The following GTF2IRD1 variants were observed in gnomAD, a reference collection of about 807,000 sequenced individuals.
The protein encoded by GTF2IRD1 is general transcription factor II-I repeat domain-containing protein 1.
Under a neutral mutation model 113.2 loss-of-function variants are expected in GTF2IRD1, and 26 were observed. That is an observed-to-expected ratio of 0.23 (90% CI 0.17 to 0.32). The LOEUF (loss-of-function observed/expected upper bound fraction) is 0.32, where lower values mean the gene tolerates loss of function less well. GTF2IRD1 is among the 10% of genes least tolerant of loss of function. The pLI, the probability that GTF2IRD1 is intolerant of heterozygous loss-of-function variation, is 1.00. For missense variants in GTF2IRD1, 864 were observed against 1,280.8 expected (o/e 0.67, Z 4.97); for synonymous variants, 484 against 529.1 (o/e 0.91, Z 1.17).
chr7:74,455,162 A>C (rs985986875), intron 1 of GTF2IRD1, among the ~76,000 whole-genome samples: 11 of 152,110 alleles, frequency 7.2e-5, no homozygotes, highest in African/African-American at 2.7e-4. Flanking sequence ...ATCCCAGCTG[A>C]AGCGAGGGTG....
intron 1 of GTF2IRD1, among the ~76,000 whole-genome samples, chr7:74,501,187 G>T (rs911437358): frequency 6.6e-6 from 1 of 152,026 alleles, no homozygotes. Flanking sequence ...GGGTGGTCTC[G>T]CCTGTTCACT....
chr7:74,535,274 G>T (rs1798229304), intron 10 of GTF2IRD1, 136 bp downstream of exon 10: 2 of 744,286 alleles, frequency 2.7e-6, no homozygotes, highest in African/African-American at 3.4e-5. Context: ...TGTGGTTTCT[G>T]TGTCCTGGGA....
chr7:74,515,721 G>A (rs150393261), intron 4 of GTF2IRD1, 125 bp downstream of exon 4: 2 of 745,260 alleles, frequency 2.7e-6, no homozygotes, highest in Admixed American at 2.9e-5. Flanking sequence ...CCAAGGCATG[G>A]GGCTACTGGC....
At chr7:74,533,107 T>C (rs1798069235) in intron 9 of GTF2IRD1, among the ~76,000 whole-genome samples, 1 of 151,830 alleles carries the variant, frequency 6.6e-6, no homozygotes, top group South Asian at 2.1e-4. Context: ...TCATCCTCAT[T>C]TTCCTGGCTA....
rs560921378 is a variant in GTF2IRD1 at position 74,466,179 on chromosome 7, C to T, written c.-7+12003C>T. Among the ~76,000 whole-genome samples, 17 of 152,316 alleles carry T rather than the reference C, an allele frequency of 1.1e-4. No homozygotes were observed. The East Asian group carries it at 3.1e-3, about 28-fold the overall frequency. On this transcript the variant is annotated intron_variant, in intron 1 of 26. Coordinates refer to ENST00000424337, the MANE Select transcript of GTF2IRD1 (RefSeq NM_005685.4). ...GCCCCTCAAGGTCACAGTCAGCCAT[C>T]CCGCTTGTTAGAGGCCAGGCCCTGT... is the stretch of plus-strand genomic sequence containing the variant.
At chr7:74,471,671 T>TAA (rs1794096527) in intron 1 of GTF2IRD1, among the ~76,000 whole-genome samples, 1 of 54,094 alleles carries the variant, frequency 1.8e-5, no homozygotes, top group Non-Finnish European at 3.7e-5. Context: ...TTTGAAATAT[T>TAA]TAAAAAAAAA....
chr7:74,497,275 T>G (rs1354622768), intron 1 of GTF2IRD1, among the ~76,000 whole-genome samples: 1 of 152,186 alleles, frequency 6.6e-6, no homozygotes, highest in Non-Finnish European at 1.5e-5. Context: ...TGCATACTCA[T>G]GTTAATAGCA....
At chr7:74,581,231 A>G (rs1801402496) in intron 22 of GTF2IRD1, among the ~76,000 whole-genome samples, 2 of 152,202 alleles carry the variant, frequency 1.3e-5, no homozygotes, top group South Asian at 4.1e-4. Flanking sequence ...CATGTTGGCC[A>G]GGCTGGTCTT....
intron 22 of GTF2IRD1, among the ~76,000 whole-genome samples, chr7:74,588,996 C>T (rs1389233431): frequency 1.3e-5 from 2 of 152,132 alleles, no homozygotes; most frequent in Admixed American, 6.6e-5. Context: ...AGGGAAGCAG[C>T]CCTGCCTCTT....
Position 74,555,385 on chromosome 7 carries a change from G to T in GTF2IRD1, c.1967-53G>T. On this transcript the variant is annotated intron_variant, in intron 18 of 26. Coordinates refer to ENST00000424337, the MANE Select transcript of GTF2IRD1 (RefSeq NM_005685.4). This position sits in a 1 kb window ranked among gnomAD's most constrained non-coding sequence, Gnocchi z 5.3. ...GGTTTCCCCTAACGATGCCATCTTG[G>T]GTCCCAGGAACTGCCTCCTCACTTG... 1 of 1,603,450 alleles carries T rather than the reference G, an allele frequency of 6.2e-7. No individual in the cohort carries two copies. The highest frequency in any genetic ancestry group is 8.5e-7 in the Non-Finnish European group (1 of 1,170,378).
At chr7:74,545,396 C>T (rs1370838532) in intron 15 of GTF2IRD1, among the ~76,000 whole-genome samples, 5 of 152,040 alleles carry the variant, frequency 3.3e-5, no homozygotes, top group Non-Finnish European at 7.4e-5. Flanking sequence ...CTGGTGGCAG[C>T]CTGCTCAATT....
intron 1 of GTF2IRD1, among the ~76,000 whole-genome samples, chr7:74,454,864 G>A (rs1390473047): frequency 6.6e-6 from 1 of 152,168 alleles, no homozygotes; most frequent in Non-Finnish European, 1.5e-5. Context: ...GCAGATGGGT[G>A]GAGAGGACAG....
chr7:74,508,287 C>T (rs1183137782), intron 2 of GTF2IRD1, 84 bp downstream of exon 2: 13 of 1,443,124 alleles, frequency 9.0e-6, no homozygotes, highest in African/African-American at 2.8e-5. Flanking sequence ...CTCAGCTACT[C>T]GAAGGAGCTT....
At chr7:74,589,484 G>A (rs1245649148) in intron 22 of GTF2IRD1, among the ~76,000 whole-genome samples, 1 of 152,048 alleles carries the variant, frequency 6.6e-6, no homozygotes, top group Admixed American at 6.6e-5. Flanking sequence ...GATCACCTGA[G>A]CCAGGAGTTT....
At position 74,488,636 on chromosome 7, in the gene GTF2IRD1, T is replaced by C. The variant is rs563161576; in HGVS notation, c.-6-19439T>C. 4.9e-4 allele frequency among the ~76,000 whole-genome samples: 75 copies of C among 152,028 alleles called. 1 individual carries two copies. In the South Asian group the frequency reaches 0.016, roughly 32 times the overall value. ...AGCCAGGTGTGGTGGCAGGCGCCCG[T>C]AGTCCCAGCTACTTGGGAGGCTGAG... On this transcript the variant is annotated intron_variant, in intron 1 of 26. Transcript: ENST00000424337.
intron 22 of GTF2IRD1, among the ~76,000 whole-genome samples, chr7:74,566,330 G>A (rs958929103): frequency 5.9e-5 from 9 of 152,008 alleles, no homozygotes; most frequent in Admixed American, 1.3e-4. Context: ...TCACACCACA[G>A]ACACCTAACA....
intron 8 of GTF2IRD1, among the ~76,000 whole-genome samples, chr7:74,528,953 GGATGGATGGA>G (rs1554347958): frequency 3.4e-4 from 32 of 95,204 alleles, no homozygotes; most frequent in African/African-American, 1.2e-3. Flanking sequence ...GTGGATGGAT[GGATGGATGGA>G]TGGATGGATG....
chr7:74,474,027 C>T (rs538208340), intron 1 of GTF2IRD1, among the ~76,000 whole-genome samples: 2 of 151,266 alleles, frequency 1.3e-5, no homozygotes, highest in South Asian at 2.1e-4. Context: ...AGTTCGAGAC[C>T]AGGCTGGCCA....
chr7:74,479,867 C>T (rs563077117), intron 1 of GTF2IRD1, among the ~76,000 whole-genome samples: 16 of 147,856 alleles, frequency 1.1e-4, no homozygotes, highest in Admixed American at 2.1e-4. Flanking sequence ...ATTCTCCTGT[C>T]TCAGCCTCCT....
Sources: gnomAD v4.1 joint callset for allele counts (sites outside exome capture counted in the v4.1 genomes callset) on GRCh38, gnomAD v4.1.1 for gene constraint, Gnocchi (gnomAD v3.1) non-coding constraint, MANE v1.5 for transcripts, NCBI Gene and HGNC (gene_info 2026-07-23, HGNC 2026-07-21) for gene names.